The following TECTB variants were observed in gnomAD, a reference collection of about 807,000 sequenced individuals.
TECTB encodes the protein beta-tectorin.
In TECTB, 45 loss-of-function variants were observed where a neutral mutation model predicts 43.3. The observed-to-expected ratio is 1.04, with a 90% CI of 0.82 to 1.33. TECTB has a LOEUF of 1.33. Ranked by LOEUF, TECTB falls within the 40% of genes most tolerant of loss-of-function variation. The probability of loss-of-function intolerance (pLI) is 0.00; values close to 1 mark genes in which losing one functional copy is unlikely to be tolerated. For synonymous variants in TECTB, 169 were observed against 156.7 expected (o/e 1.08, Z -0.59); for missense variants, 399 against 404.7 (o/e 0.99, Z 0.12).
intron 5 of TECTB, among the ~76,000 whole-genome samples, chr10:112,290,189 T>C (rs1278096147): frequency 6.6e-6 from 1 of 152,184 alleles, no homozygotes; most frequent in Non-Finnish European, 1.5e-5. Flanking sequence ...GTCCAGAATA[T>C]CCACACTGTA....
intron 5 of TECTB, among the ~76,000 whole-genome samples, chr10:112,291,052 A>C (rs1346107765): frequency 2.0e-5 from 3 of 152,074 alleles, no homozygotes; most frequent in Non-Finnish European, 4.4e-5. Context: ...AGTTTGTTAC[A>C]CTGGTAAACA....
In TECTB at chr10:112,298,112, G is replaced by C. The variant is rs1268197185; in HGVS notation, c.715G>C (p.Asp239His). The part of the protein sequence containing the change: ...ETVLVHENGR[D>H]HRATFQFNAF... Reference sequence around the variant, plus strand: ...CGTCCTCGTGCATGAGAATGGGAGAGATCACAGGGCAACCTTCCAATTCAA... The same window carrying C: ...CGTCCTCGTGCATGAGAATGGGAGACATCACAGGGCAACCTTCCAATTCAA... Residue 239 changes from aspartate (D) to histidine (H), a missense_variant, in exon 8 of 11, where the codon GAT becomes CAT. By Grantham distance (81) the Asp-to-His change is moderately conservative. Transcript: ENST00000646139. 1.9e-6 allele frequency: 3 copies of C among 1,614,208 alleles called. No individual in the cohort carries two copies. Among genetic ancestry groups the C allele is most frequent in the Non-Finnish European group, 2.5e-6 (3 of 1,180,028 alleles).
intron 2 of TECTB, 40 bp from the exon 3 acceptor site, chr10:112,284,495 T>G: frequency 6.6e-7 from 1 of 1,518,944 alleles, no homozygotes; most frequent in Non-Finnish European, 8.9e-7. Context: ...TTAGCATGAT[T>G]ACCCTAACTG....
chr10:112,285,931 G>C lies in TECTB; in HGVS notation c.268-140G>C. The C allele has an allele frequency of 8.4e-6, 9 of 1,067,214 alleles. No individual in the cohort carries two copies. In the Admixed American group the frequency reaches 1.8e-4, roughly 22 times the overall value. The allele number at this position is 1,067,214 out of a possible 1,614,324, so 66.1% of individuals were successfully genotyped here. On this transcript the variant is annotated intron_variant, in intron 3 of 10. Transcript: ENST00000646139. The stretch of plus-strand genomic sequence containing the variant: ...ATCAGCTCACCCGCAGACAAGAAGA[G>C]TGGATGCCACCGTCAGTGGCAGACA...
chr10:112,300,236 A>AAG (rs1357234636), intron 9 of TECTB, among the ~76,000 whole-genome samples: 1 of 32,280 alleles, frequency 3.1e-5, no homozygotes, highest in Non-Finnish European at 6.3e-5. Context: ...GAAATAAAGA[A>AAG]AGAAAGAAAG....
chr10:112,290,311 C>A (rs1010424974), intron 5 of TECTB, among the ~76,000 whole-genome samples: 1 of 152,122 alleles, frequency 6.6e-6, no homozygotes, highest in Admixed American at 6.5e-5. Context: ...CACTGGGGGT[C>A]TTGAAACATA....
intron 2 of TECTB, among the ~76,000 whole-genome samples, chr10:112,284,235 G>A (rs1848436220): frequency 6.6e-6 from 1 of 152,092 alleles, no homozygotes; most frequent in South Asian, 2.1e-4. Context: ...ATATATTTAT[G>A]TATGTCTAAT....
chr10:112,284,788 T>C (rs564438855), intron 3 of TECTB, 63 bp downstream of exon 3: 3 of 1,352,036 alleles, frequency 2.2e-6, no homozygotes. Context: ...AAGAATGAGA[T>C]GTCTGCCATC....
Position 112,303,363 on chromosome 10 carries a change from T to C in TECTB, c.*51T>C, listed in dbSNP as rs1167586144. 6.2e-7 allele frequency: 1 copy of C among 1,605,594 alleles called. No individual in the cohort carries two copies. On this transcript the variant is annotated 3_prime_UTR_variant, in exon 11 of 11. Coordinates refer to ENST00000646139, the MANE Select transcript of TECTB (RefSeq NM_058222.3). ...TCCACCCACAATAGTCCTCAGCGAA[T>C]GACAAACACATTTATTGTGCTGCCA...
chr10:112,293,956 T>C (rs924006584), intron 6 of TECTB, 22 bp from the exon 7 acceptor site: 27 of 1,613,404 alleles, frequency 1.7e-5, no homozygotes, highest in East Asian at 1.1e-4. Context: ...TTCAAAGTGA[T>C]GCCATTTTGT....
intron 5 of TECTB, among the ~76,000 whole-genome samples, chr10:112,289,371 G>C (rs1848479868): frequency 6.6e-6 from 1 of 152,116 alleles, no homozygotes. Context: ...AAGCAATAGA[G>C]GCCAAAATCA....
intron 7 of TECTB, among the ~76,000 whole-genome samples, chr10:112,295,194 T>C (rs577831232): frequency 2.0e-5 from 3 of 152,156 alleles, no homozygotes; most frequent in Non-Finnish European, 2.9e-5. Flanking sequence ...TGTGTTATTC[T>C]CAGAACCCAT....
chr10:112,283,864 T>C (rs1253069521), intron 2 of TECTB, 54 bp downstream of exon 2: 5 of 1,566,940 alleles, frequency 3.2e-6, no homozygotes, highest in Non-Finnish European at 4.4e-6. Flanking sequence ...TGAAGTTTCC[T>C]TTTACAATGC....
intron 9 of TECTB, 129 bp downstream of exon 9, chr10:112,299,693 C>G (rs779373755): frequency 1.0e-6 from 1 of 968,006 alleles, no homozygotes; most frequent in Non-Finnish European, 1.6e-6. Flanking sequence ...ACAACCTTCA[C>G]CTGCTCCTGG....
intron 5 of TECTB, among the ~76,000 whole-genome samples, chr10:112,290,791 T>C (rs1217800577): frequency 6.6e-6 from 1 of 152,216 alleles, no homozygotes; most frequent in Non-Finnish European, 1.5e-5. Context: ...ATCCAATTAT[T>C]GCAGTCATTT....
At chr10:112,295,818 A>G (rs1286304165) in intron 7 of TECTB, among the ~76,000 whole-genome samples, 4 of 152,208 alleles carry the variant, frequency 2.6e-5, no homozygotes, top group Non-Finnish European at 4.4e-5. Context: ...CGTTGTTCCC[A>G]TCTGGCAGAT....
intron 8 of TECTB, 70 bp from the exon 9 acceptor site, chr10:112,299,422 T>C: frequency 6.9e-7 from 1 of 1,451,696 alleles, no homozygotes; most frequent in Non-Finnish European, 9.6e-7. Flanking sequence ...TTCTTTCTCT[T>C]TTCTCCCCTT....
chr10:112,300,200 A>AAG (rs1848586877), intron 9 of TECTB, among the ~76,000 whole-genome samples: 1 of 133,180 alleles, frequency 7.5e-6, no homozygotes, highest in Admixed American at 8.2e-5. Flanking sequence ...AGAAGAAAGA[A>AAG]AGAGAGACAG....
intron 7 of TECTB, among the ~76,000 whole-genome samples, chr10:112,294,379 T>C (rs1245016982): frequency 1.3e-5 from 2 of 152,026 alleles, no homozygotes; most frequent in Non-Finnish European, 2.9e-5. Context: ...TCATATTAAA[T>C]GTGTGTGTGC....
Sources: gnomAD v4.1 joint callset for allele counts (sites outside exome capture counted in the v4.1 genomes callset) on GRCh38, gnomAD v4.1.1 for gene constraint, MANE v1.5 for transcripts, NCBI Gene and HGNC (gene_info 2026-07-23, HGNC 2026-07-21) for gene names.